GRM3: variants seen among roughly 807,000 people sequenced by gnomAD.
GRM3 encodes the protein glutamate metabotropic receptor 3.
Under a neutral mutation model 70.5 loss-of-function variants are expected in GRM3, and 26 were observed. That is an observed-to-expected ratio of 0.37 (90% CI 0.27 to 0.51). The LOEUF is 0.51. Ranked by LOEUF, GRM3 falls within the 20% of genes least tolerant of loss-of-function variation. GRM3 has a pLI of 0.93. For missense variants in GRM3, 859 were observed against 1,123.8 expected, an observed-to-expected ratio of 0.76 and a Z score of 3.37; for synonymous variants, 443 against 434.9, an observed-to-expected ratio of 1.02 and a Z score of -0.23.
intron 3 of GRM3, among the ~76,000 whole-genome samples, chr7:86,791,829 C>T (rs969212536): frequency 2.6e-5 from 4 of 152,060 alleles, no homozygotes; most frequent in African/African-American, 9.7e-5. Flanking sequence ...CATCAAACAC[C>T]CAAACTTTGA....
At chr7:86,666,433 T>C (rs10257201) in intron 1 of GRM3, among the ~76,000 whole-genome samples, 30,990 of 151,988 alleles carry the variant, frequency 0.2, 3,212 homozygotes, top group African/African-American at 0.24. Flanking sequence ...AGAACTAATA[T>C]GTGGAATCAT....
intron 5 of GRM3, among the ~76,000 whole-genome samples, chr7:86,853,671 T>C (rs1798795151): frequency 6.6e-6 from 1 of 152,224 alleles, no homozygotes; most frequent in African/African-American, 2.4e-5. Context: ...AAACCCACTG[T>C]AGAGATGAGA....
chr7:86,656,666 CTGT>C (rs1444685777), intron 1 of GRM3, among the ~76,000 whole-genome samples: 1 of 151,864 alleles, frequency 6.6e-6, no homozygotes. Context: ...GCTTAGATAC[CTGT>C]TGTTTTCTAC....
At chr7:86,734,608 T>TG (rs1332490951) in intron 1 of GRM3, among the ~76,000 whole-genome samples, 1 of 152,226 alleles carries the variant, frequency 6.6e-6, no homozygotes, top group Non-Finnish European at 1.5e-5. Flanking sequence ...TCTCTCAGCA[T>TG]GCAGCCTCAA....
intron 1 of GRM3, among the ~76,000 whole-genome samples, chr7:86,753,136 A>G (rs1483273622): frequency 6.6e-6 from 1 of 152,106 alleles, no homozygotes; most frequent in Non-Finnish European, 1.5e-5. Flanking sequence ...CTCAATGAGA[A>G]GAAAGGCAGA....
chr7:86,644,687 G>T lies in GRM3; in HGVS notation c.-326G>T. On this transcript the variant is annotated 5_prime_UTR_variant, in exon 1 of 6. Transcript: ENST00000361669. Reference sequence around the variant, plus strand: ...GGGGCACTGTGACAGGAAGCTGCGCGCACAAGTTGGCCATTTCGAGGGCAA... The same window carrying T: ...GGGGCACTGTGACAGGAAGCTGCGCTCACAAGTTGGCCATTTCGAGGGCAA... The T allele has an allele frequency of 4.1e-6, 3 of 740,610 alleles. No individual in the cohort carries two copies. The highest frequency in any genetic ancestry group is 6.2e-6 in the Non-Finnish European group (3 of 486,350). 45.9% of individuals were successfully genotyped at this position (740,610 alleles called of 1,614,324 possible).
At chr7:86,764,921 C>T (rs17160955) in intron 1 of GRM3, 85 bp from the exon 2 acceptor site, 30 of 894,994 alleles carry the variant, frequency 3.4e-5, no homozygotes, top group Non-Finnish European at 4.5e-5. Context: ...CTGAGTCATC[C>T]CATTAAAGGT....
chr7:86,672,709 G>A (rs1042736257), intron 1 of GRM3, among the ~76,000 whole-genome samples: 3 of 152,000 alleles, frequency 2.0e-5, no homozygotes, highest in East Asian at 1.9e-4. Flanking sequence ...AGCTCTCAAA[G>A]CATCACATTG....
intron 1 of GRM3, among the ~76,000 whole-genome samples, chr7:86,660,482 AC>A (rs1196969665): frequency 2.6e-5 from 4 of 152,064 alleles, no homozygotes; most frequent in African/African-American, 9.7e-5. Context: ...CAAAAGGAAA[AC>A]AAAAAACAGA....
intron 1 of GRM3, among the ~76,000 whole-genome samples, chr7:86,717,907 C>G (rs978001605): frequency 1.3e-5 from 2 of 151,234 alleles, no homozygotes; most frequent in African/African-American, 4.9e-5. Flanking sequence ...ACCATCTCCA[C>G]TGTCAGTGAC....
At chr7:86,665,177 T>C (rs1527760) in intron 1 of GRM3, among the ~76,000 whole-genome samples, 44,578 of 151,798 alleles carry the variant, frequency 0.29, 8,507 homozygotes, top group East Asian at 0.72. Flanking sequence ...TTGAATATAT[T>C]TGAGAAAGAA....
At position 86,700,098 on chromosome 7, in the gene GRM3, A is replaced by G. The variant is rs1384430122; in HGVS notation, c.-141+55226A>G. The stretch of plus-strand genomic sequence containing the variant: ...CACATTGAGAACAGAACCATCTGTC[A>G]GTGAGATTGCCATTAACCAAGCTCA... On this transcript the variant is annotated intron_variant, in intron 1 of 5. Coordinates refer to ENST00000361669, the MANE Select transcript of GRM3 (RefSeq NM_000840.3). Among the ~76,000 whole-genome samples the G allele has an allele frequency of 2.0e-5, 3 of 151,916 alleles. No homozygotes were observed. In the East Asian group the frequency reaches 5.8e-4, roughly 29 times the overall value.
intron 1 of GRM3, among the ~76,000 whole-genome samples, chr7:86,668,442 C>T (rs1794086744): frequency 1.3e-5 from 2 of 151,988 alleles, no homozygotes; most frequent in African/African-American, 2.4e-5. Context: ...TTCTAACCAC[C>T]CCCTCTATCC....
At chr7:86,656,104 A>G (rs1793736104) in intron 1 of GRM3, among the ~76,000 whole-genome samples, 1 of 152,064 alleles carries the variant, frequency 6.6e-6, no homozygotes, top group South Asian at 2.1e-4. Flanking sequence ...ATTACAGGAA[A>G]AAATTCTTAG....
At chr7:86,735,824 A>G (rs1157829704) in intron 1 of GRM3, among the ~76,000 whole-genome samples, 5 of 152,208 alleles carry the variant, frequency 3.3e-5, no homozygotes, top group Non-Finnish European at 5.9e-5. Context: ...ATTACTTTAT[A>G]TAAATAAAGT....
intron 1 of GRM3, among the ~76,000 whole-genome samples, chr7:86,717,763 T>C (rs1359115721): frequency 6.6e-6 from 1 of 151,942 alleles, no homozygotes; most frequent in Non-Finnish European, 1.5e-5. Flanking sequence ...AGTGAAAAGA[T>C]GGGCATCGAG....
rs1327219642 is a variant in GRM3 at position 86,672,360 on chromosome 7, G to A, written c.-141+27488G>A. Among the ~76,000 whole-genome samples, 5 of 152,258 alleles carry A rather than the reference G, an allele frequency of 3.3e-5. No individual in the cohort carries two copies. The East Asian group carries it at 9.7e-4, about 29-fold the overall frequency. ...GATAAGGTAGGGAATATTGAGAAAA[G>A]AGATAAATGGGCAATAAAAGTCTAT... On this transcript the variant is annotated intron_variant, in intron 1 of 5. Coordinates refer to ENST00000361669, the MANE Select transcript of GRM3 (RefSeq NM_000840.3).
chr7:86,760,629 T>C lies in GRM3; in HGVS notation c.-140-4377T>C, dbSNP rs115995031. On this transcript the variant is annotated intron_variant, in intron 1 of 5. Coordinates refer to ENST00000361669, the MANE Select transcript of GRM3 (RefSeq NM_000840.3). ...GATAACAGTGGCATTGAATTAAACA[T>C]GTTTGTCTATTTTTCAATGTTACTT... is the stretch of plus-strand genomic sequence containing the variant. Among the ~76,000 whole-genome samples, 1,362 of 152,194 alleles carry C rather than the reference T, an allele frequency of 8.9e-3. 16 individuals carry two copies. Among genetic ancestry groups the C allele is most frequent in the African/African-American group, 0.031 (1,298 of 41,530 alleles).
At chr7:86,744,873 C>T (rs112609705) in intron 1 of GRM3, among the ~76,000 whole-genome samples, 55 of 152,136 alleles carry the variant, frequency 3.6e-4, no homozygotes, top group African/African-American at 1.3e-3. Flanking sequence ...TAGAAAGGCA[C>T]CATCAGAAGC....
Sources: gnomAD v4.1 joint callset for allele counts (sites outside exome capture counted in the v4.1 genomes callset) on GRCh38, gnomAD v4.1.1 for gene constraint, MANE v1.5 for transcripts, NCBI Gene and HGNC (gene_info 2026-07-23, HGNC 2026-07-21) for gene names.